Variants in CSNK1G1 observed in about 807,000 individuals in gnomAD.
CSNK1G1 encodes casein kinase I isoform gamma-1.
A neutral mutation model predicts 59.6 loss-of-function variants in CSNK1G1; 22 were observed. The observed-to-expected ratio is 0.37, with a 90% confidence interval of 0.26 to 0.53. The LOEUF is 0.53. CSNK1G1 is among the 20% of genes least tolerant of loss of function. CSNK1G1 has a pLI of 0.89. For synonymous variants in CSNK1G1, 179 were observed against 177.1 expected (o/e 1.01, Z -0.08); for missense variants, 384 against 519.5 (o/e 0.74, Z 2.54).
intron 11 of CSNK1G1, among the ~76,000 whole-genome samples, chr15:64,174,681 GCTCTTACCCCAGGC>G (rs1176674859): frequency 3.3e-5 from 5 of 152,166 alleles, no homozygotes; most frequent in Non-Finnish European, 7.3e-5. Context: ...GCCATCTAGT[GCTCTTACCCCAGGC>G]CTCTGACCCA....
chr15:64,189,060 A>G (rs2081936118), intron 10 of CSNK1G1, among the ~76,000 whole-genome samples: 1 of 152,146 alleles, frequency 6.6e-6, no homozygotes, highest in Admixed American at 6.5e-5. Context: ...CAGGAGGTGG[A>G]GGTTGCAGTG....
intron 4 of CSNK1G1, among the ~76,000 whole-genome samples, chr15:64,221,809 C>T (rs934083587): frequency 1.7e-4 from 26 of 152,004 alleles, no homozygotes; most frequent in African/African-American, 6.0e-4. Flanking sequence ...GAAATAGGAA[C>T]ACTTTTACAC....
At chr15:64,177,815 A>C (rs1257712491) in intron 11 of CSNK1G1, among the ~76,000 whole-genome samples, 1 of 152,246 alleles carries the variant, frequency 6.6e-6, no homozygotes, top group Non-Finnish European at 1.5e-5. Context: ...AAACCTGTAT[A>C]GGGCATAACA....
rs563204123 is a variant in CSNK1G1 at position 64,292,552 on chromosome 15, T to C, written c.181+7767A>G. Among the ~76,000 whole-genome samples, 29 of 152,316 alleles carry C rather than the reference T, an allele frequency of 1.9e-4. No individual in the cohort carries two copies. The South Asian group carries it at 6.0e-3, about 32-fold the overall frequency. ...TCCTACTTCAAAAGGATAATATGAATATTATTAAAATCATACGCCTGTCTC... is the reference window on the plus strand; with the variant it reads ...TCCTACTTCAAAAGGATAATATGAACATTATTAAAATCATACGCCTGTCTC... On this transcript the variant is annotated intron_variant, in intron 2 of 11. Coordinates refer to ENST00000303052, the MANE Select transcript of CSNK1G1 (RefSeq NM_022048.5).
intron 2 of CSNK1G1, among the ~76,000 whole-genome samples, chr15:64,277,969 T>G (rs894010677): frequency 2.1e-5 from 3 of 146,122 alleles, no homozygotes; most frequent in Non-Finnish European, 4.5e-5. Context: ...GAATAATATA[T>G]TAATATTGAT....
intron 6 of CSNK1G1, among the ~76,000 whole-genome samples, chr15:64,211,244 A>G (rs1403002559): frequency 6.6e-6 from 1 of 152,248 alleles, no homozygotes; most frequent in Admixed American, 6.5e-5. Context: ...TGATTTTCTC[A>G]AAGCCATTTG....
chr15:64,224,308 A>G (rs2082428426), intron 4 of CSNK1G1, among the ~76,000 whole-genome samples: 1 of 152,180 alleles, frequency 6.6e-6, no homozygotes, highest in East Asian at 1.9e-4. Context: ...TCAGGCAATT[A>G]TTATTATAAT....
intron 4 of CSNK1G1, among the ~76,000 whole-genome samples, chr15:64,240,324 A>C (rs1179376641): frequency 6.6e-6 from 1 of 152,180 alleles, no homozygotes; most frequent in Non-Finnish European, 1.5e-5. Flanking sequence ...ACAAACATGC[A>C]TATTATATGA....
At chr15:64,320,690 A>C (rs61535959) in intron 1 of CSNK1G1, among the ~76,000 whole-genome samples, 4 of 151,168 alleles carry the variant, frequency 2.6e-5, no homozygotes, top group Non-Finnish European at 5.9e-5. Flanking sequence ...AAAAAAAAAA[A>C]AAAAAAGAAA....
intron 4 of CSNK1G1, among the ~76,000 whole-genome samples, chr15:64,241,915 T>A (rs942457916): frequency 6.6e-6 from 1 of 151,408 alleles, no homozygotes; most frequent in Non-Finnish European, 1.5e-5. Flanking sequence ...AACAAAAAGT[T>A]GTTTTTTTAA....
intron 2 of CSNK1G1, among the ~76,000 whole-genome samples, chr15:64,277,786 T>TTTAATAA (rs1893788763): frequency 1.6e-5 from 2 of 123,814 alleles, no homozygotes; most frequent in African/African-American, 5.8e-5. Flanking sequence ...TAATAATATA[T>TTTAATAA]TAATATTGAT....
chr15:64,196,613 G>A (rs2082042049), intron 10 of CSNK1G1, among the ~76,000 whole-genome samples: 1 of 151,822 alleles, frequency 6.6e-6, no homozygotes. Context: ...CACCATGCCG[G>A]GCTAATTTTG....
At chr15:64,283,650 A>T (rs894690860) in intron 2 of CSNK1G1, among the ~76,000 whole-genome samples, 1 of 151,890 alleles carries the variant, frequency 6.6e-6, no homozygotes, top group African/African-American at 2.4e-5. Flanking sequence ...CACCCAGCTA[A>T]TTTTTGTATT....
intron 2 of CSNK1G1, among the ~76,000 whole-genome samples, chr15:64,271,873 G>C (rs1203919160): frequency 6.6e-6 from 1 of 152,136 alleles, no homozygotes; most frequent in East Asian, 1.9e-4. Flanking sequence ...TGCTATTATT[G>C]TGTGGGAGTC....
intron 1 of CSNK1G1, among the ~76,000 whole-genome samples, chr15:64,336,324 T>C (rs765963975): frequency 2.6e-5 from 4 of 152,212 alleles, no homozygotes; most frequent in Admixed American, 1.3e-4. Flanking sequence ...GTCCTCAAAG[T>C]GTATAAGCCA....
intron 3 of CSNK1G1, among the ~76,000 whole-genome samples, chr15:64,255,117 C>A (rs1780863745): frequency 6.6e-6 from 1 of 152,122 alleles, no homozygotes; most frequent in South Asian, 2.1e-4. Flanking sequence ...TACTCTGTCA[C>A]CCAGGCTGGA....
At chr15:64,333,072 C>T (rs1021341591) in intron 1 of CSNK1G1, among the ~76,000 whole-genome samples, 2 of 151,484 alleles carry the variant, frequency 1.3e-5, no homozygotes, top group Non-Finnish European at 2.9e-5. Context: ...GCCTAGCCAA[C>T]ATGGTGAAAT....
intron 1 of CSNK1G1, chr15:64,315,610 C>T (rs138955472): frequency 6.6e-6 from 1 of 152,336 alleles, no homozygotes; most frequent in Non-Finnish European, 1.5e-5. Context: ...GACTAGGTCA[C>T]ACTGTCAAAC....
chr15:64,312,578 T>C (rs1220591042), intron 1 of CSNK1G1, among the ~76,000 whole-genome samples: 2 of 152,178 alleles, frequency 1.3e-5, no homozygotes, highest in Non-Finnish European at 1.5e-5. Flanking sequence ...CAGGACCCCT[T>C]TCTTACACCT....
Sources: allele counts gnomAD v4.1 joint callset (sites outside exome capture counted in the v4.1 genomes callset), GRCh38; gene constraint gnomAD v4.1.1; transcripts MANE v1.5; gene names NCBI Gene and HGNC (gene_info 2026-07-23, HGNC 2026-07-21).